Variants in ME2 observed in about 807,000 individuals in gnomAD.
ME2 encodes malic enzyme 2, also known as NAD-dependent malic enzyme, mitochondrial.
A neutral mutation model predicts 73.7 loss-of-function variants in ME2; 60 were observed. The observed-to-expected ratio is 0.81, with a 90% confidence interval of 0.66 to 1.01. The LOEUF (loss-of-function observed/expected upper bound fraction) is 1.01, where lower values mean the gene tolerates loss of function less well. ME2 is among the 50% of genes least tolerant of loss of function. The pLI is 0.00. For missense variants in ME2, 594 were observed against 705.5 expected (o/e 0.84, Z 1.79); for synonymous variants, 199 against 236.9 (o/e 0.84, Z 1.47).
chr18:50,928,310 A>G lies in ME2; in HGVS notation c.1314+2412A>G, dbSNP rs1257576346. ...GCCCAGGCTAGAGTGCAGTGGCGTCATCTCACCTCACTGCAAACTCTGCCT... is the reference window on the plus strand; with the variant it reads ...GCCCAGGCTAGAGTGCAGTGGCGTCGTCTCACCTCACTGCAAACTCTGCCT... On this transcript the variant is annotated intron_variant, in intron 12 of 15. Transcript: ENST00000321341. 2.7e-5 allele frequency among the ~76,000 whole-genome samples: 4 copies of G among 148,250 alleles called. No individual in the cohort carries two copies. The East Asian group carries it at 8.0e-4, about 30-fold the overall frequency.
Position 50,952,101 on chromosome 18 carries a change from C to T in ME2, c.*4917C>T, listed in dbSNP as rs1918240101. 6.6e-6 allele frequency: 1 copy of T among 152,140 alleles called. No homozygotes were observed. The highest frequency in any genetic ancestry group is 2.4e-5 in the African/African-American group (1 of 41,426). The allele number at this position is 152,140 out of a possible 1,614,324, so 9.4% of individuals were successfully genotyped here. A position where few individuals can be genotyped will look rare whatever the true frequency, so the allele number is the denominator to read the frequency against. On this transcript the variant is annotated 3_prime_UTR_variant, in exon 16 of 16. Coordinates refer to ENST00000321341, the MANE Select transcript of ME2 (RefSeq NM_002396.5). Reference sequence around the variant, plus strand: ...GTTCAGGTGCCATGTATTCATATAGCTCTCAACTGATTGGTGATTTGCACT... The same window carrying T: ...GTTCAGGTGCCATGTATTCATATAGTTCTCAACTGATTGGTGATTTGCACT...
intron 13 of ME2, chr18:50,932,576 A>G: frequency 2.6e-6 from 1 of 377,988 alleles, no homozygotes; most frequent in Non-Finnish European, 4.7e-6. Flanking sequence ...TATTATAGAA[A>G]TAATATATTG....
At chr18:50,898,854 C>T (rs754121846) in intron 2 of ME2, among the ~76,000 whole-genome samples, 1 of 152,236 alleles carries the variant, frequency 6.6e-6, no homozygotes, top group Non-Finnish European at 1.5e-5. Context: ...TTCAACTTCT[C>T]TAGGCCTTAG....
At position 50,920,436 on chromosome 18, in the gene ME2, G is replaced by A. The variant is rs1917396070; in HGVS notation, c.735-20G>A. The A allele has an allele frequency of 2.0e-6, 3 of 1,492,608 alleles. No homozygotes were observed. Among genetic ancestry groups the A allele is most frequent in the Non-Finnish European group, 2.8e-6 (3 of 1,085,630 alleles). 92.5% of individuals were successfully genotyped at this position (1,492,608 alleles called of 1,614,324 possible). On this transcript the variant is annotated intron_variant, in intron 7 of 15. Transcript: ENST00000321341. ...TAGTGTTATTTTCAACACAACTATT[G>A]TGGGTTTTGCTGTTTTTAGATATGG...
chr18:50,917,921 A>C (rs961255921), intron 6 of ME2, among the ~76,000 whole-genome samples, 189 bp from the exon 7 acceptor site: 2 of 151,998 alleles, frequency 1.3e-5, no homozygotes, highest in Non-Finnish European at 2.9e-5. Context: ...CAGTGAGCCG[A>C]GATCACACCA....
intron 10 of ME2, among the ~76,000 whole-genome samples, chr18:50,922,408 G>C (rs1440979608): frequency 3.3e-5 from 5 of 152,202 alleles, no homozygotes; most frequent in African/African-American, 9.6e-5. Context: ...CGAAGCCTGT[G>C]CTCTGAATAA....
chr18:50,930,934 T>TA (rs1473480540), intron 12 of ME2, among the ~76,000 whole-genome samples: 1 of 152,228 alleles, frequency 6.6e-6, no homozygotes, highest in East Asian at 1.9e-4. Context: ...AAGTCTAAGA[T>TA]AGTCAGCTCT....
intron 2 of ME2, among the ~76,000 whole-genome samples, chr18:50,900,315 G>T (rs1183600053): frequency 6.8e-6 from 1 of 148,094 alleles, no homozygotes. Flanking sequence ...TATTTATTGA[G>T]ATGGAGTCTC....
At chr18:50,926,479 G>A (rs917579279) in intron 12 of ME2, among the ~76,000 whole-genome samples, 3 of 152,122 alleles carry the variant, frequency 2.0e-5, no homozygotes, top group African/African-American at 7.2e-5. Context: ...GGACATATGC[G>A]TGGTTTTCTT....
intron 1 of ME2, among the ~76,000 whole-genome samples, chr18:50,891,791 G>A (rs569168708): frequency 4.5e-4 from 68 of 151,832 alleles, no homozygotes; most frequent in African/African-American, 1.4e-3. Flanking sequence ...ACACCAGGAC[G>A]CCCACCTGGA....
chr18:50,912,834 T>G lies in ME2; in HGVS notation c.276T>G (p.Asn92Lys). ...ACATAATGGGAATACAAGAAAGAAA[T>G]GAGAAATTGTTTTATAGAATACTGC... ...YIYIMGIQER[N>K]EKLFYRILQD... Residue 92 changes from asparagine (N) to lysine (K), a missense_variant, in exon 4 of 16, where the codon AAT becomes AAG. Coordinates refer to ENST00000321341, the MANE Select transcript of ME2 (RefSeq NM_002396.5). 2 of 1,601,132 alleles carry G rather than the reference T, an allele frequency of 1.2e-6. No homozygotes were observed. Among genetic ancestry groups the G allele is most frequent in the Non-Finnish European group, 1.7e-6 (2 of 1,172,378 alleles).
intron 3 of ME2, among the ~76,000 whole-genome samples, chr18:50,911,894 A>C (rs1458119046): frequency 6.6e-6 from 1 of 152,212 alleles, no homozygotes; most frequent in African/African-American, 2.4e-5. Flanking sequence ...ATTGGAGCGT[A>C]GGAGGAAATT....
At chr18:50,908,734 A>C (rs571973430) in intron 3 of ME2, among the ~76,000 whole-genome samples, 1 of 150,066 alleles carries the variant, frequency 6.7e-6, no homozygotes, top group South Asian at 2.1e-4. Context: ...TCCGCCTCCC[A>C]AGTTCAAGCA....
chr18:50,936,151 G>A (rs1460182473), intron 13 of ME2, among the ~76,000 whole-genome samples: 1 of 152,176 alleles, frequency 6.6e-6, no homozygotes, highest in Non-Finnish European at 1.5e-5. Flanking sequence ...CTTCAAAGAA[G>A]CGACCGTTAG....
chr18:50,939,698 C>A, intron 14 of ME2, 58 bp downstream of exon 14: 1 of 1,197,054 alleles, frequency 8.4e-7, no homozygotes, highest in Non-Finnish European at 1.2e-6. Flanking sequence ...ATGAGTAGAT[C>A]TGAAAATTAA....
Position 50,952,210 on chromosome 18 carries a change from G to A in ME2, c.*5026G>A, listed in dbSNP as rs1918241363. 2.6e-5 allele frequency: 4 copies of A among 152,146 alleles called. No homozygotes were observed. The allele number at this position is 152,146 out of a possible 1,614,324, so 9.4% of individuals were successfully genotyped here. A position where few individuals can be genotyped will look rare whatever the true frequency, so the allele number is the denominator to read the frequency against. On this transcript the variant is annotated 3_prime_UTR_variant, in exon 16 of 16. Coordinates refer to ENST00000321341, the MANE Select transcript of ME2 (RefSeq NM_002396.5). The stretch of plus-strand genomic sequence containing the variant: ...ATATTTAAAAAGTTCACAGCAATTT[G>A]ACCATAGAAAACTTTCTCATCTGAA...
At chr18:50,912,486 G>A (rs1034487049) in intron 3 of ME2, among the ~76,000 whole-genome samples, 6 of 152,096 alleles carry the variant, frequency 3.9e-5, no homozygotes, top group Admixed American at 2.0e-4. Context: ...TTCTTTAAGC[G>A]TAAGGACCTC....
intron 1 of ME2, among the ~76,000 whole-genome samples, chr18:50,883,575 C>T (rs148559353): frequency 6.6e-6 from 1 of 152,270 alleles, no homozygotes; most frequent in Non-Finnish European, 1.5e-5. Context: ...ATTCAAGAAA[C>T]TCTCCTGCTG....
At chr18:50,905,049 C>T (rs1418662587) in intron 2 of ME2, among the ~76,000 whole-genome samples, 7 of 151,926 alleles carry the variant, frequency 4.6e-5, no homozygotes, top group African/African-American at 1.5e-4. Flanking sequence ...TGCGGTGGCA[C>T]GATCTTGGCT....
Sources: gnomAD v4.1 joint callset for allele counts (sites outside exome capture counted in the v4.1 genomes callset) on GRCh38, gnomAD v4.1.1 for gene constraint, MANE v1.5 for transcripts, NCBI Gene and HGNC (gene_info 2026-07-23, HGNC 2026-07-21) for gene names.